The following ERICH5 variants were observed in gnomAD, a reference collection of about 807,000 sequenced individuals.
ERICH5 encodes glutamate-rich protein 5.
ERICH5 carries 24 observed loss-of-function variants against 28.0 expected under a neutral mutation model. The ratio of observed to expected loss-of-function variants is 0.86; its 90% CI spans 0.62 to 1.21. The LOEUF (loss-of-function observed/expected upper bound fraction) is 1.21, where lower values mean the gene tolerates loss of function less well. Ranked by LOEUF, ERICH5 falls within the 50% of genes most tolerant of loss-of-function variation. The probability of loss-of-function intolerance (pLI) is 0.00; values close to 1 mark genes in which losing one functional copy is unlikely to be tolerated. For synonymous variants in ERICH5, 163 were observed against 157.6 expected, an observed-to-expected ratio of 1.03 and a Z score of -0.25; for missense variants, 421 against 441.2, an observed-to-expected ratio of 0.95 and a Z score of 0.41.
intron 1 of ERICH5, among the ~76,000 whole-genome samples, chr8:98,070,678 AAAAAG>A (rs1207083037): frequency 7.7e-5 from 11 of 142,896 alleles, no homozygotes; most frequent in East Asian, 3.9e-4. Context: ...AAAAAAAAAA[AAAAAG>A]AAAAGAAAAG....
intron 1 of ERICH5, among the ~76,000 whole-genome samples, chr8:98,076,273 C>T (rs747435035): frequency 4.0e-5 from 6 of 151,674 alleles, no homozygotes; most frequent in Non-Finnish European, 7.4e-5. Flanking sequence ...AGGCTGGTCT[C>T]GAACTCCTGA....
chr8:98,080,663 T>C (rs1027063239), intron 1 of ERICH5, among the ~76,000 whole-genome samples: 1 of 150,574 alleles, frequency 6.6e-6, no homozygotes, highest in Non-Finnish European at 1.5e-5. Context: ...CTTCTCCTCC[T>C]TCTCCTTCTC....
At chr8:98,067,226 G>A (rs552214852) in intron 1 of ERICH5, among the ~76,000 whole-genome samples, 1 of 152,180 alleles carries the variant, frequency 6.6e-6, no homozygotes, top group South Asian at 2.1e-4. Flanking sequence ...CTTGAGGCCA[G>A]GAGTTCAAGG....
chr8:98,069,780 T>C (rs1391513830), intron 1 of ERICH5, among the ~76,000 whole-genome samples: 1 of 152,094 alleles, frequency 6.6e-6, no homozygotes, highest in African/African-American at 2.4e-5. Flanking sequence ...GATAGATAAC[T>C]GCCTAAATGT....
intron 1 of ERICH5, among the ~76,000 whole-genome samples, chr8:98,079,165 CCTTTTTTTT>C (rs1815123155): frequency 6.5e-5 from 3 of 46,498 alleles, no homozygotes; most frequent in Non-Finnish European, 1.9e-4. Flanking sequence ...TTTTTTTTTT[CCTTTTTTTT>C]TTTTTTTTTT....
intron 1 of ERICH5, among the ~76,000 whole-genome samples, chr8:98,086,974 G>A (rs1015438191): frequency 2.0e-5 from 3 of 148,978 alleles, no homozygotes; most frequent in East Asian, 3.9e-4. Context: ...AAAAGGAAAT[G>A]TGAATGTGTA....
At chr8:98,078,472 A>T (rs766518171) in intron 1 of ERICH5, among the ~76,000 whole-genome samples, 26 of 152,152 alleles carry the variant, frequency 1.7e-4, no homozygotes, top group Non-Finnish European at 1.5e-5. Flanking sequence ...AGTCTTTAGG[A>T]TGTCTGATAT....
At chr8:98,075,571 T>C (rs2447515) in intron 1 of ERICH5, among the ~76,000 whole-genome samples, 85,046 of 151,732 alleles carry the variant, frequency 0.56, 24,338 homozygotes, top group East Asian at 0.69. Flanking sequence ...GAGAGAGTGG[T>C]GGCAGCAATC....
At chr8:98,079,250 A>T (rs970284126) in intron 1 of ERICH5, among the ~76,000 whole-genome samples, 5 of 137,280 alleles carry the variant, frequency 3.6e-5, no homozygotes, top group African/African-American at 1.4e-4. Context: ...GGCTCACTGC[A>T]TCCTTGACCT....
intron 1 of ERICH5, among the ~76,000 whole-genome samples, chr8:98,070,727 A>C (rs1418118847): frequency 1.3e-5 from 2 of 151,450 alleles, no homozygotes; most frequent in Non-Finnish European, 2.9e-5. Context: ...AAGAAAAAAA[A>C]GCAAGCAATA....
chr8:98,077,624 G>C (rs1815081234), intron 1 of ERICH5, among the ~76,000 whole-genome samples: 1 of 152,174 alleles, frequency 6.6e-6, no homozygotes, highest in Non-Finnish European at 1.5e-5. Flanking sequence ...AGCTCTTAAA[G>C]TTCAGCCTCT....
chr8:98,080,768 T>C (rs1210381421), intron 1 of ERICH5, among the ~76,000 whole-genome samples: 12 of 142,346 alleles, frequency 8.4e-5, no homozygotes, highest in Admixed American at 7.9e-4. Flanking sequence ...ACTGGCATGA[T>C]CTTGGCTCAC....
intron 2 of ERICH5, among the ~76,000 whole-genome samples, chr8:98,091,834 CTTTTTCTTTCTTTCTTTCTT>C (rs1815389795): frequency 7.4e-6 from 1 of 134,670 alleles, no homozygotes; most frequent in Non-Finnish European, 1.6e-5. Flanking sequence ...CTTTCTTTTT[CTTTTTCTTTCTTTCTTTCTT>C]TCTTTCTTTC....
rs150522225 is a variant in ERICH5, at chr8:98,067,645, C to T, written c.58+2918C>T. Among the ~76,000 whole-genome samples, 979 of 150,150 alleles carry T rather than the reference C, an allele frequency of 6.5e-3. 10 individuals carry two copies. Among genetic ancestry groups the T allele is most frequent in the African/African-American group, 0.021 (874 of 40,930 alleles). ...TTTTTTTTTTTTTGAGACGGCATTT[C>T]GCTCTTGTTGCCCAGGCTGGAGTGC... On this transcript the variant is annotated intron_variant, in intron 1 of 2. Transcript: ENST00000318528.
chr8:98,086,914 A>ACACTCCAACCTGGG (rs1385276847), intron 1 of ERICH5, among the ~76,000 whole-genome samples: 4 of 149,942 alleles, frequency 2.7e-5, no homozygotes, highest in Non-Finnish European at 5.9e-5. Context: ...TCGCGCCACC[A>ACACTCCAACCTGGG]CACTCCAACC....
chr8:98,064,662 T>TC lies in ERICH5; in HGVS notation c.-4dup. 1.3e-6 allele frequency: 2 copies of TC among 1,526,812 alleles called. No homozygotes were observed. 94.6% of individuals were successfully genotyped at this position (1,526,812 alleles called of 1,614,324 possible). On this transcript the variant is annotated 5_prime_UTR_variant, in exon 1 of 3. Coordinates refer to ENST00000318528, the MANE Select transcript of ERICH5 (RefSeq NM_173549.3). ...GCAGGGCTGAGACAGGTGTCTGCGC[T>TC]CCCCGCAATGGGCTGCTCCAGCAGC...
At chr8:98,082,961 A>C (rs1220146900) in intron 1 of ERICH5, among the ~76,000 whole-genome samples, 1 of 152,244 alleles carries the variant, frequency 6.6e-6, no homozygotes, top group Non-Finnish European at 1.5e-5. Flanking sequence ...GATCACTTGG[A>C]CACTTATGAC....
chr8:98,091,900 C>CTTTCTTTCTTTCTTTTT, intron 2 of ERICH5, among the ~76,000 whole-genome samples: 4 of 74,708 alleles, frequency 5.4e-5, no homozygotes, highest in African/African-American at 1.7e-4. Context: ...TTCTTTCTTT[C>CTTTCTTTCTTTCTTTTT]CTTTCTTTCT....
At chr8:98,076,735 AG>A (rs921610516) in intron 1 of ERICH5, among the ~76,000 whole-genome samples, 1 of 152,106 alleles carries the variant, frequency 6.6e-6, no homozygotes, top group Admixed American at 6.5e-5. Flanking sequence ...GTGACTCCAT[AG>A]GTAACCTAAT....
Sources: gnomAD v4.1 joint callset for allele counts (sites outside exome capture counted in the v4.1 genomes callset) on GRCh38, gnomAD v4.1.1 for gene constraint, MANE v1.5 for transcripts, NCBI Gene and HGNC (gene_info 2026-07-23, HGNC 2026-07-21) for gene names.